Variants in KCNMA1 observed in about 807,000 individuals in gnomAD.
KCNMA1 encodes Calcium-activated potassium channel subunit alpha-1.
A neutral mutation model predicts 140.0 loss-of-function variants in KCNMA1; 29 were observed. The observed-to-expected ratio is 0.21, with a 90% confidence interval of 0.15 to 0.28. KCNMA1 has a LOEUF of 0.28. KCNMA1 is among the 10% of genes least tolerant of loss of function. The pLI, the probability that KCNMA1 is intolerant of heterozygous loss-of-function variation, is 1.00. For synonymous variants in KCNMA1, 612 were observed against 611.9 expected (o/e 1.00, Z 0.00); for missense variants, 880 against 1,602.2 (o/e 0.55, Z 7.70).
At chr10:77,418,217 C>T (rs1172879778) in intron 1 of KCNMA1, among the ~76,000 whole-genome samples, 2 of 152,178 alleles carry the variant, frequency 1.3e-5, no homozygotes, top group Non-Finnish European at 2.9e-5. Context: ...TTTTCCTTCT[C>T]GATCCCTAAT....
intron 12 of KCNMA1, 137 bp downstream of exon 12, chr10:77,084,500 A>G: frequency 1.3e-6 from 1 of 741,930 alleles, no homozygotes; most frequent in Admixed American, 2.0e-5. Flanking sequence ...CCCCAGGCCT[A>G]TGCAGCTGGT....
chr10:77,036,352 T>C (rs1045299220), intron 15 of KCNMA1, among the ~76,000 whole-genome samples: 1 of 152,160 alleles, frequency 6.6e-6, no homozygotes, highest in African/African-American at 2.4e-5. Flanking sequence ...TGGGAAACAA[T>C]CTCAAATTTC....
At chr10:77,217,482 C>T (rs1159566543) in intron 3 of KCNMA1, 2 of 456,480 alleles carry the variant, frequency 4.4e-6, no homozygotes, top group Admixed American at 2.4e-5. Context: ...AATTACAGTA[C>T]ATTTCTGGAG....
At chr10:77,416,294 C>T (rs2096740647) in intron 1 of KCNMA1, among the ~76,000 whole-genome samples, 1 of 152,134 alleles carries the variant, frequency 6.6e-6, no homozygotes, top group Non-Finnish European at 1.5e-5. Context: ...AGGAGCTCTG[C>T]AAGCTGCTGG....
chr10:77,153,859 A>T (rs1365935547), intron 5 of KCNMA1, among the ~76,000 whole-genome samples: 1 of 152,206 alleles, frequency 6.6e-6, no homozygotes, highest in African/African-American at 2.4e-5. Context: ...TCTCAGAGGC[A>T]GCATTACCTA....
At chr10:77,514,486 G>A (rs942411026) in intron 1 of KCNMA1, among the ~76,000 whole-genome samples, 3 of 152,042 alleles carry the variant, frequency 2.0e-5, no homozygotes, top group Non-Finnish European at 2.9e-5. Flanking sequence ...ACAACTCCAC[G>A]CCTTAATAAA....
At chr10:76,891,360 GTGTC>G (rs2039992070) in intron 26 of KCNMA1, 161 bp downstream of exon 26, 1 of 671,760 alleles carries the variant, frequency 1.5e-6, no homozygotes, top group Non-Finnish European at 2.7e-6. Context: ...ATAGAGCAAA[GTGTC>G]TGATCCAGAG....
chr10:77,106,755 T>C (rs1399298871), intron 9 of KCNMA1, among the ~76,000 whole-genome samples: 1 of 152,188 alleles, frequency 6.6e-6, no homozygotes, highest in Non-Finnish European at 1.5e-5. Flanking sequence ...TGAGATGCTG[T>C]TTTCCTCTTG....
chr10:77,109,809 A>G (rs2153872063), intron 8 of KCNMA1, among the ~76,000 whole-genome samples: 1 of 152,334 alleles, frequency 6.6e-6, no homozygotes, highest in East Asian at 1.9e-4. Flanking sequence ...AAGTATCGAC[A>G]GCTTCTACCA....
chr10:77,039,407 G>T (rs1021337604), intron 15 of KCNMA1, 121 bp downstream of exon 15: 5 of 725,656 alleles, frequency 6.9e-6, no homozygotes, highest in Non-Finnish European at 1.3e-5. Context: ...CCGAGCACAC[G>T]GGATACCCTC....
chr10:77,108,496 G>A lies in KCNMA1; in HGVS notation c.1208C>T (p.Ala403Val). 6.2e-7 allele frequency: 1 copy of A among 1,613,112 alleles called. No homozygotes were observed. Among genetic ancestry groups the A allele is most frequent in the Non-Finnish European group, 8.5e-7 (1 of 1,179,480 alleles). The stretch of plus-strand genomic sequence containing the variant: ...GCATACTTACTTTCTTCCACTAACC[G>A]CACTATAGGAGCCCCCGTATTTCTT... ...NRKKYGGSYS[A>V]VSGRKHIVVC... The change falls in exon 9 of 28, where the codon GCG (alanine) becomes GTG (valine). Residue 403 changes from alanine (A) to valine (V), a missense_variant. Around this residue, in one of 13 missense-constraint regions of KCNMA1, gnomAD observed 198 missense variants for 580.1 expected, o/e 0.34. Transcript: ENST00000286628. The surrounding 1 kb of genome is among the most constrained non-coding windows in gnomAD (Gnocchi z 4.6).
At chr10:77,365,209 A>G (rs982294501) in intron 2 of KCNMA1, among the ~76,000 whole-genome samples, 1 of 152,114 alleles carries the variant, frequency 6.6e-6, no homozygotes, top group Non-Finnish European at 1.5e-5. Flanking sequence ...CAAGCATCAC[A>G]ATCTCACTCT....
chr10:77,441,926 A>T (rs1289254236), intron 1 of KCNMA1, among the ~76,000 whole-genome samples: 1 of 151,900 alleles, frequency 6.6e-6, no homozygotes, highest in Non-Finnish European at 1.5e-5. Context: ...CCCTCCCTCC[A>T]GGCCATTGTC....
At chr10:77,014,719 A>G (rs2091637615) in intron 17 of KCNMA1, among the ~76,000 whole-genome samples, 1 of 152,218 alleles carries the variant, frequency 6.6e-6, no homozygotes, top group Non-Finnish European at 1.5e-5. Flanking sequence ...CTCCAAGGCT[A>G]GGCAATTAAG....
intron 2 of KCNMA1, among the ~76,000 whole-genome samples, chr10:77,321,328 T>C (rs1417862607): frequency 2.0e-5 from 3 of 152,226 alleles, no homozygotes; most frequent in African/African-American, 7.2e-5. Flanking sequence ...CATTCTCAAG[T>C]AAGCGACTTC....
At chr10:77,186,082 C>T (rs915108943) in intron 3 of KCNMA1, among the ~76,000 whole-genome samples, 1 of 152,132 alleles carries the variant, frequency 6.6e-6, no homozygotes, top group Non-Finnish European at 1.5e-5. Flanking sequence ...AGTATAGTTG[C>T]ACTTCTGTAA....
At chr10:77,503,371 T>C (rs1193939628) in intron 1 of KCNMA1, among the ~76,000 whole-genome samples, 1 of 152,154 alleles carries the variant, frequency 6.6e-6, no homozygotes, top group Non-Finnish European at 1.5e-5. Flanking sequence ...GCTCACCTCT[T>C]TCTCCCTAGC....
chr10:77,527,166 T>C (rs994019518), intron 1 of KCNMA1, among the ~76,000 whole-genome samples: 5 of 152,200 alleles, frequency 3.3e-5, no homozygotes, highest in Admixed American at 2.6e-4. Flanking sequence ...GCAGTATTAA[T>C]ATGGCCCTGG....
intron 23 of KCNMA1, among the ~76,000 whole-genome samples, chr10:76,933,377 C>A (rs2059748143): frequency 6.6e-6 from 1 of 152,148 alleles, no homozygotes; most frequent in Admixed American, 6.5e-5. Context: ...AAGAGGTCAG[C>A]AAAACAATAG....
Sources: allele counts gnomAD v4.1 joint callset (sites outside exome capture counted in the v4.1 genomes callset), GRCh38; gene constraint gnomAD v4.1.1; regional missense constraint gnomAD v4.1.1; non-coding constraint Gnocchi (gnomAD v3.1); transcripts MANE v1.5; gene names NCBI Gene and HGNC (gene_info 2026-07-23, HGNC 2026-07-21).